Variants in PLEKHA7 observed in about 807,000 individuals in gnomAD.
The protein encoded by PLEKHA7 is pleckstrin homology domain-containing family A member 7.
In PLEKHA7, 104 loss-of-function variants were observed where a neutral mutation model predicts 170.0. The ratio of observed to expected loss-of-function variants is 0.61; its 90% CI spans 0.52 to 0.72. The LOEUF (loss-of-function observed/expected upper bound fraction) is 0.72. Among genes scored for constraint, PLEKHA7 ranks in the 30% least tolerant of loss-of-function variants. PLEKHA7 has a pLI of 0.00. For missense variants in PLEKHA7, 1,615 were observed against 1,671.7 expected (o/e 0.97, Z 0.59); for synonymous variants, 648 against 660.8 (o/e 0.98, Z 0.30).
intron 3 of PLEKHA7, among the ~76,000 whole-genome samples, chr11:16,889,587 A>G (rs970938096): frequency 6.6e-6 from 1 of 151,426 alleles, no homozygotes; most frequent in Non-Finnish European, 1.5e-5. Context: ...GAGTGACAGG[A>G]GTCAACACCA....
At chr11:16,882,932 C>T (rs1362718399) in intron 3 of PLEKHA7, among the ~76,000 whole-genome samples, 1 of 152,050 alleles carries the variant, frequency 6.6e-6, no homozygotes, top group Non-Finnish European at 1.5e-5. Context: ...AGCAGACCTA[C>T]TTGCTATGTA....
At chr11:16,911,401 A>T (rs1858235313) in intron 3 of PLEKHA7, among the ~76,000 whole-genome samples, 1 of 152,148 alleles carries the variant, frequency 6.6e-6, no homozygotes. Context: ...TCTTGGAACA[A>T]AGCTCCAACC....
chr11:16,794,293 G>A (rs1189848712), intron 19 of PLEKHA7, among the ~76,000 whole-genome samples, 195 bp downstream of exon 19: 1 of 151,924 alleles, frequency 6.6e-6, no homozygotes, highest in Non-Finnish European at 1.5e-5. Flanking sequence ...ATCTTCCAGG[G>A]CTCTTCCAGT....
At chr11:16,993,736 G>A (rs2136974791) in intron 3 of PLEKHA7, among the ~76,000 whole-genome samples, 1 of 152,188 alleles carries the variant, frequency 6.6e-6, no homozygotes, top group Non-Finnish European at 1.5e-5. Flanking sequence ...CCTGCACAAG[G>A]ACCTTTGGCA....
rs1396072550 is a variant in PLEKHA7 at position 16,778,875 on chromosome 11, C to T, written c.*123G>A. The stretch of plus-strand genomic sequence containing the variant: ...GTGAACACCCGCAGTCGGTAAGCTG[C>T]TCCTTCCTCCGGCCGGATTCCCTGC... On this transcript the variant is annotated 3_prime_UTR_variant, in exon 27 of 27. Coordinates refer to ENST00000531066, the MANE Select transcript of PLEKHA7 (RefSeq NM_001329630.2). The T allele has an allele frequency of 4.3e-6, 3 of 693,746 alleles. No homozygotes were observed. Among genetic ancestry groups the T allele is most frequent in the South Asian group, 3.0e-5 (2 of 66,444 alleles). The allele number at this position is 693,746 out of a possible 1,614,324, so 43.0% of individuals were successfully genotyped here.
In PLEKHA7 at chr11:16,789,831, G is replaced by A. The variant is rs267602797; in HGVS notation, c.3100C>T (p.Pro1034Ser). Residue 1034 changes from proline (P) to serine (S), a missense_variant, in exon 22 of 27, where the codon CCC becomes TCC. By Grantham distance (74) the Pro-to-Ser change is moderately conservative. Transcript: ENST00000531066. This position sits in a 1 kb window ranked among gnomAD's most constrained non-coding sequence, Gnocchi z 4.6. Reference protein sequence around the residue: ...SRLQQSSTIAPYVTLRRGLNA... With the variant: ...SRLQQSSTIASYVTLRRGLNA... ...AGACCCCTCCGGAGTGTGACGTAGG[G>A]AGCAATGGTGGACGACTGCTGGAGC... 1 of 1,614,142 alleles carries A rather than the reference G, an allele frequency of 6.2e-7. No homozygotes were observed. The highest frequency in any genetic ancestry group is 8.5e-7 in the Non-Finnish European group (1 of 1,180,008).
rs145057697 is a variant in PLEKHA7 at position 16,844,085 on chromosome 11, A to T, written c.697-2363T>A. Among the ~76,000 whole-genome samples, 546 of 152,278 alleles carry T rather than the reference A, an allele frequency of 3.6e-3. 3 individuals carry two copies. Among genetic ancestry groups the T allele is most frequent in the African/African-American group, 0.012 (519 of 41,560 alleles). Reference sequence around the variant, plus strand: ...CTCCCAGCCTTTTGTGCCCAGCCATAGAGGGTTCTGGGACAGGTGCCTATC... The same window carrying T: ...CTCCCAGCCTTTTGTGCCCAGCCATTGAGGGTTCTGGGACAGGTGCCTATC... On this transcript the variant is annotated intron_variant, in intron 8 of 26. Coordinates refer to ENST00000531066, the MANE Select transcript of PLEKHA7 (RefSeq NM_001329630.2).
At chr11:17,012,620 C>G (rs1182417617) in intron 3 of PLEKHA7, among the ~76,000 whole-genome samples, 1 of 152,182 alleles carries the variant, frequency 6.6e-6, no homozygotes, top group Non-Finnish European at 1.5e-5. Context: ...TTATTTTCTA[C>G]TCCCTTCCCT....
chr11:16,799,853 C>T lies in PLEKHA7; in HGVS notation c.2409+1121G>A, dbSNP rs552014461. ...TTGTAGACCAGCCCTGAGCCACAGG[C>T]GAGGGTCTCCTCCACGTGGTCCTAG... On this transcript the variant is annotated intron_variant, in intron 17 of 26. Transcript: ENST00000531066. 6.7e-4 allele frequency among the ~76,000 whole-genome samples: 102 copies of T among 152,146 alleles called. 1 individual carries two copies. Among genetic ancestry groups the T allele is most frequent in the Non-Finnish European group, 9.1e-4 (62 of 68,020 alleles).
At chr11:16,859,839 A>T (rs1400455109) in intron 4 of PLEKHA7, among the ~76,000 whole-genome samples, 1 of 152,236 alleles carries the variant, frequency 6.6e-6, no homozygotes, top group African/African-American at 2.4e-5. Context: ...ACACTGCGTC[A>T]CGCAGACCCC....
In PLEKHA7 at chr11:16,899,517, A is replaced by G. The variant is rs1248216051; in HGVS notation, c.222-28335T>C. ...CCATCTCAAAACAAAACTTTTGCATAAAGGAGAAAATATGTTAATAAAAAT... is the reference window on the plus strand; with the variant it reads ...CCATCTCAAAACAAAACTTTTGCATGAAGGAGAAAATATGTTAATAAAAAT... On this transcript the variant is annotated intron_variant, in intron 3 of 26. Coordinates refer to ENST00000531066, the MANE Select transcript of PLEKHA7 (RefSeq NM_001329630.2). Among the ~76,000 whole-genome samples the G allele has an allele frequency of 1.3e-5, 2 of 152,178 alleles. 1 individual carries two copies. The highest frequency in any genetic ancestry group is 1.3e-4 in the Admixed American group (2 of 15,290).
chr11:16,892,773 G>A, intron 3 of PLEKHA7, among the ~76,000 whole-genome samples: 1 of 151,904 alleles, frequency 6.6e-6, no homozygotes, highest in South Asian at 2.1e-4. Context: ...GCCCAGCCAG[G>A]AATCTTAACA....
Position 16,854,896 on chromosome 11 carries a change from T to C in PLEKHA7, c.515A>G (p.His172Arg), listed in dbSNP as rs1380050793. 1 of 1,613,718 alleles carries C rather than the reference T, an allele frequency of 6.2e-7. No homozygotes were observed. The highest frequency in any genetic ancestry group is 8.5e-7 in the Non-Finnish European group (1 of 1,179,806). Residue 172 changes from histidine (H) to arginine (R), a missense_variant, in exon 6 of 27, where the codon CAC becomes CGC. By Grantham distance (29) the His-to-Arg change is conservative. Transcript: ENST00000531066. The stretch of plus-strand genomic sequence containing the variant: ...ACTCCTCGGCTTCCTCACCTGCTTG[T>C]GCAGCCAGCCCCTCACCACCACGGG... ...NVPVVVRGWL[H>R]KQDSSGMRLW...
At chr11:16,812,941 G>T (rs1849480597) in intron 13 of PLEKHA7, among the ~76,000 whole-genome samples, 172 bp downstream of exon 13, 1 of 152,214 alleles carries the variant, frequency 6.6e-6, no homozygotes, top group Admixed American at 6.5e-5. Context: ...AAAAGGCAGA[G>T]TTTTAGTCTG....
At chr11:16,958,751 A>G (rs545853505) in intron 3 of PLEKHA7, among the ~76,000 whole-genome samples, 1 of 152,358 alleles carries the variant, frequency 6.6e-6, no homozygotes, top group South Asian at 2.1e-4. Flanking sequence ...AATCGTAGCT[A>G]TCATAATCCT....
chr11:16,850,889 G>A (rs1029665877), intron 8 of PLEKHA7, among the ~76,000 whole-genome samples: 4 of 152,128 alleles, frequency 2.6e-5, no homozygotes, highest in Non-Finnish European at 5.9e-5. Flanking sequence ...TAGTTAGGCT[G>A]GCTGAGTACG....
intron 3 of PLEKHA7, among the ~76,000 whole-genome samples, chr11:16,950,771 T>C (rs1861358898): frequency 6.7e-6 from 1 of 149,342 alleles, no homozygotes; most frequent in Non-Finnish European, 1.5e-5. Context: ...TTCCAAACAT[T>C]TTCCCAAACA....
At chr11:16,932,109 G>A (rs1209408200) in intron 3 of PLEKHA7, among the ~76,000 whole-genome samples, 1 of 151,998 alleles carries the variant, frequency 6.6e-6, no homozygotes, top group East Asian at 1.9e-4. Flanking sequence ...CTTACCAGCT[G>A]GGGGACCCTG....
rs766926589 is a variant in PLEKHA7, at chr11:16,791,035, C to G, written c.2910G>C (p.Gly970=). The G allele has an allele frequency of 6.2e-7, 1 of 1,614,128 alleles. No homozygotes were observed. The highest frequency in any genetic ancestry group is 1.7e-5 in the Admixed American group (1 of 60,014). Residue 970 remains glycine, a synonymous_variant, in exon 20 of 27, where the codon GGG becomes GGC. Transcript: ENST00000531066. The surrounding 1 kb of genome is among the most constrained non-coding windows in gnomAD (Gnocchi z 4.5). ...CCCTGGAATCCCCATTCACACACTG[C>G]CCCAGCTCCCGGTCTCGCTTCCTCT... ...SDERKRDREL[G]QCVNGDSRVE... is the part of the protein sequence containing the mutation.
Sources: allele counts gnomAD v4.1 joint callset (sites outside exome capture counted in the v4.1 genomes callset), GRCh38; gene constraint gnomAD v4.1.1; non-coding constraint Gnocchi (gnomAD v3.1); transcripts MANE v1.5; gene names NCBI Gene and HGNC (gene_info 2026-07-23, HGNC 2026-07-21).